Variants in SIRT5 observed in about 807,000 individuals in gnomAD.
SIRT5 encodes sirtuin 5.
A neutral mutation model predicts 40.0 loss-of-function variants in SIRT5; 26 were observed. The observed-to-expected ratio is 0.65, with a 90% CI of 0.48 to 0.90. The LOEUF is 0.90. Among genes scored for constraint, SIRT5 ranks in the 40% least tolerant of loss-of-function variants. SIRT5 has a pLI of 0.00. For synonymous variants in SIRT5, 146 were observed against 149.1 expected (o/e 0.98, Z 0.15); for missense variants, 401 against 402.4 (o/e 1.00, Z 0.03).
intron 1 of SIRT5, among the ~76,000 whole-genome samples, chr6:13,577,886 T>A (rs577998523): frequency 2.0e-5 from 3 of 152,246 alleles, no homozygotes; most frequent in Admixed American, 2.0e-4. Context: ...AGCATCATTG[T>A]CTTGTTCCTG....
rs1256583625 is a variant in SIRT5, at chr6:13,607,874, C to T, written c.858-3916C>T. On this transcript the variant is annotated intron_variant, in intron 9 of 9. Transcript: ENST00000606117. The surrounding 1 kb of genome is among the most constrained non-coding windows in gnomAD (Gnocchi z 4.0). ...GTTCAAGCAATTCTCCTGCCTCAGC[C>T]TCCCAAGCAGCTAGGACTACAGGCG... Among the ~76,000 whole-genome samples the T allele has an allele frequency of 6.6e-6, 1 of 152,160 alleles. No homozygotes were observed. Among genetic ancestry groups the T allele is most frequent in the Admixed American group, 6.5e-5 (1 of 15,272 alleles).
Position 13,607,109 on chromosome 6 carries a change from C to A in SIRT5, c.858-4681C>A, listed in dbSNP as rs969284480. Among the ~76,000 whole-genome samples the A allele has an allele frequency of 6.6e-6, 1 of 151,558 alleles. No individual in the cohort carries two copies. The highest frequency in any genetic ancestry group is 2.1e-4 in the South Asian group (1 of 4,814). ...TGTTCCCCAAATACCCCTGAAGATA[C>A]GAATGACTCCAGCCCTTATTTTATA... On this transcript the variant is annotated intron_variant, in intron 9 of 9. Transcript: ENST00000606117. The surrounding 1 kb of genome is among the most constrained non-coding windows in gnomAD (Gnocchi z 4.0).
chr6:13,591,907 C>G lies in SIRT5; in HGVS notation c.475+13C>G. On this transcript the variant is annotated intron_variant, in intron 5 of 9. Transcript: ENST00000606117. ...CTGGAGATCCATGGTGAGAGACCCC[C>G]AGCCTCCCATTCAGGGAACCAGCTT... is the stretch of plus-strand genomic sequence containing the variant. 2 of 1,606,018 alleles carry G rather than the reference C, an allele frequency of 1.2e-6. No individual in the cohort carries two copies. Among genetic ancestry groups the G allele is most frequent in the Non-Finnish European group, 1.7e-6 (2 of 1,173,318 alleles).
rs1240586396 is a variant in SIRT5 at position 13,596,900 on chromosome 6, GTTGT to G, written c.564-60_564-57del. The G allele has an allele frequency of 3.0e-6, 4 of 1,332,132 alleles. No homozygotes were observed. The East Asian group carries it at 9.5e-5, about 32-fold the overall frequency. 82.5% of individuals were successfully genotyped at this position (1,332,132 alleles called of 1,614,324 possible). On this transcript the variant is annotated intron_variant, in intron 6 of 9. Coordinates refer to ENST00000606117, the MANE Select transcript of SIRT5 (RefSeq NM_012241.5). The stretch of plus-strand genomic sequence containing the variant: ...CAGGCAAATATACAAACTGAGTTAT[GTTGT>G]TTCTTTATTTTTTATTATGCCAATA...
intron 2 of SIRT5, among the ~76,000 whole-genome samples, chr6:13,580,070 G>C (rs569985483): frequency 2.1e-4 from 32 of 152,318 alleles, no homozygotes; most frequent in African/African-American, 7.5e-4. Context: ...CTGCTCACCA[G>C]AGTGGCTGCT....
chr6:13,601,954 A>G (rs1762448468), intron 9 of SIRT5, among the ~76,000 whole-genome samples: 3 of 152,192 alleles, frequency 2.0e-5, no homozygotes, highest in Admixed American at 2.0e-4. Flanking sequence ...TTGATCAGCT[A>G]CAGCCTGTGT....
chr6:13,589,989 G>A (rs1343758656), intron 4 of SIRT5, among the ~76,000 whole-genome samples: 2 of 152,154 alleles, frequency 1.3e-5, no homozygotes, highest in Admixed American at 6.5e-5. Context: ...GAGCAGGGTC[G>A]GTGTGGGTCA....
chr6:13,592,491 G>A (rs1237224880), intron 5 of SIRT5, among the ~76,000 whole-genome samples: 1 of 152,092 alleles, frequency 6.6e-6, no homozygotes, highest in Non-Finnish European at 1.5e-5. Context: ...CTTCTGCCCC[G>A]CCCTGGAGCC....
intron 4 of SIRT5, among the ~76,000 whole-genome samples, chr6:13,591,227 C>T (rs1760861609): frequency 6.6e-6 from 1 of 152,190 alleles, no homozygotes; most frequent in African/African-American, 2.4e-5. Flanking sequence ...CTGAGTTTCT[C>T]ACCCATGGTC....
rs200206875 is a variant in SIRT5 at position 13,612,141 on chromosome 6, A to G, written c.*276A>G. On this transcript the variant is annotated 3_prime_UTR_variant, in exon 10 of 10. Coordinates refer to ENST00000606117, the MANE Select transcript of SIRT5 (RefSeq NM_012241.5). ...TGTGTATGGTTGGTTATTGGGAGGG[A>G]AAAATTTTGTAAATTAGATTGTCTA... 4 of 268,774 alleles carry G rather than the reference A, an allele frequency of 1.5e-5. No homozygotes were observed. Among genetic ancestry groups the G allele is most frequent in the Non-Finnish European group, 2.8e-5 (4 of 143,574 alleles). 16.6% of individuals were successfully genotyped at this position (268,774 alleles called of 1,614,324 possible). A position where few individuals can be genotyped will look rare whatever the true frequency, so the allele number is the denominator to read the frequency against.
chr6:13,597,144 G>C, intron 7 of SIRT5, 128 bp downstream of exon 7: 1 of 695,506 alleles, frequency 1.4e-6, no homozygotes, highest in Non-Finnish European at 2.4e-6. Context: ...GTAAAAACCA[G>C]GCTTGATCTC....
Position 13,599,018 on chromosome 6 carries a change from T to A in SIRT5, c.618-14T>A. ...ACTTGGCTCGGGGTTGGCTTAAGGA[T>A]CCCATTCTTCCAGGTGTGAAGAGGC... On this transcript the variant is annotated splice_polypyrimidine_tract_variant and intron_variant, in intron 7 of 9. Coordinates refer to ENST00000606117, the MANE Select transcript of SIRT5 (RefSeq NM_012241.5). 1 of 1,613,288 alleles carries A rather than the reference T, an allele frequency of 6.2e-7. No individual in the cohort carries two copies.
At position 13,615,134 on chromosome 6, in the gene SIRT5, G is replaced by C. The variant is rs950704814; in HGVS notation, c.*3269G>C. 1.0e-5 allele frequency: 5 copies of C among 498,354 alleles called. No individual in the cohort carries two copies. Among genetic ancestry groups the C allele is most frequent in the Non-Finnish European group, 1.7e-5 (5 of 289,122 alleles). 30.9% of individuals were successfully genotyped at this position (498,354 alleles called of 1,614,324 possible). On this transcript the variant is annotated 3_prime_UTR_variant, in exon 10 of 10. Coordinates refer to ENST00000606117, the MANE Select transcript of SIRT5 (RefSeq NM_012241.5). Reference sequence around the variant, plus strand: ...AACCCCATTGCCAGCCGCTTTCGCCGGCAGAGCATTTTCCGTGGGGTCCAT... The same window carrying C: ...AACCCCATTGCCAGCCGCTTTCGCCCGCAGAGCATTTTCCGTGGGGTCCAT...
At chr6:13,590,416 T>C (rs1760700690) in intron 4 of SIRT5, among the ~76,000 whole-genome samples, 1 of 152,202 alleles carries the variant, frequency 6.6e-6, no homozygotes, top group African/African-American at 2.4e-5. Flanking sequence ...ATATACACTT[T>C]TTATGTGTAG....
chr6:13,609,234 A>G (rs1448802905), intron 9 of SIRT5, among the ~76,000 whole-genome samples: 2 of 152,144 alleles, frequency 1.3e-5, no homozygotes, highest in Non-Finnish European at 2.9e-5. Flanking sequence ...TTCTAACCCA[A>G]TCCTCCTGTA....
chr6:13,575,846 A>G (rs1469841457), intron 1 of SIRT5, among the ~76,000 whole-genome samples: 1 of 151,942 alleles, frequency 6.6e-6, no homozygotes, highest in Admixed American at 6.6e-5. Flanking sequence ...CCATCATTCT[A>G]CTCTGCTTCT....
intron 5 of SIRT5, among the ~76,000 whole-genome samples, chr6:13,593,172 A>G (rs1156811378): frequency 6.6e-6 from 1 of 152,124 alleles, no homozygotes. Context: ...TCAGCCTCCT[A>G]AAGTTTTGGG....
chr6:13,578,017 G>T (rs1255700460), intron 1 of SIRT5, among the ~76,000 whole-genome samples: 1 of 152,094 alleles, frequency 6.6e-6, no homozygotes, highest in African/African-American at 2.4e-5. Context: ...ATTATGAAAA[G>T]ATGTTGAATT....
intron 7 of SIRT5, among the ~76,000 whole-genome samples, 200 bp from the exon 8 acceptor site, chr6:13,598,825 CAAAAAAA>C (rs368964409): frequency 4.2e-5 from 2 of 47,108 alleles, no homozygotes; most frequent in Admixed American, 2.0e-4. Context: ...GACTCCGTCT[CAAAAAAA>C]AAAAAAAAAA....
Sources: gnomAD v4.1 joint callset for allele counts (sites outside exome capture counted in the v4.1 genomes callset) on GRCh38, gnomAD v4.1.1 for gene constraint, Gnocchi (gnomAD v3.1) non-coding constraint, MANE v1.5 for transcripts, NCBI Gene and HGNC (gene_info 2026-07-23, HGNC 2026-07-21) for gene names.